The following TENM3 variants were observed in gnomAD, a reference collection of about 807,000 sequenced individuals.
The protein encoded by TENM3 is teneurin-3.
A neutral mutation model predicts 255.1 loss-of-function variants in TENM3; 63 were observed. The ratio of observed to expected loss-of-function variants is 0.25; its 90% CI spans 0.20 to 0.30. TENM3 has a LOEUF of 0.30. TENM3 is among the 10% of genes least tolerant of loss of function. TENM3 has a pLI of 1.00. For synonymous variants in TENM3, 1,306 were observed against 1,322.3 expected (o/e 0.99, Z 0.27); for missense variants, 2,929 against 3,461.1 (o/e 0.85, Z 3.86).
At chr4:182,665,329 C>CTACT (rs1754579215) in intron 6 of TENM3, among the ~76,000 whole-genome samples, 2 of 152,126 alleles carry the variant, frequency 1.3e-5, no homozygotes, top group South Asian at 4.1e-4. Context: ...CTGTTGAGAC[C>CTACT]TACTGCTCAG....
the TENM3 span, among the ~76,000 whole-genome samples, chr4:182,071,004 G>A: frequency 2.0e-5 from 3 of 152,070 alleles, no homozygotes; most frequent in Admixed American, 2.0e-4. Context: ...CCCTCTTGAG[G>A]ATGAGCCCAG....
chr4:181,688,630 C>T, the TENM3 span, among the ~76,000 whole-genome samples: 75 of 152,256 alleles, frequency 4.9e-4, no homozygotes, highest in African/African-American at 1.7e-3. Flanking sequence ...CTGTGGTCCA[C>T]TGAGTATCTG....
chr4:182,305,190 T>C (rs1223617114), intron 1 of TENM3, among the ~76,000 whole-genome samples: 1 of 151,304 alleles, frequency 6.6e-6, no homozygotes, highest in Non-Finnish European at 1.5e-5. Context: ...GAAGAGGACA[T>C]GGTCAAGGCA....
At chr4:181,682,739 T>A in the TENM3 span, among the ~76,000 whole-genome samples, 1 of 152,100 alleles carries the variant, frequency 6.6e-6, no homozygotes, top group Non-Finnish European at 1.5e-5. Flanking sequence ...GGCAATTCAT[T>A]TGGGGTGTGT....
At chr4:182,004,826 T>G in the TENM3 span, among the ~76,000 whole-genome samples, 1 of 152,206 alleles carries the variant, frequency 6.6e-6, no homozygotes, top group East Asian at 1.9e-4. Context: ...TGATGATCAG[T>G]GATGTTGAGT....
the TENM3 span, among the ~76,000 whole-genome samples, chr4:181,554,034 C>T: frequency 6.6e-6 from 1 of 152,116 alleles, no homozygotes; most frequent in African/African-American, 2.4e-5. Context: ...TTCCCTCATG[C>T]GGCTCTAACT....
chr4:182,083,779 C>T, the TENM3 span, among the ~76,000 whole-genome samples: 1 of 152,136 alleles, frequency 6.6e-6, no homozygotes, highest in African/African-American at 2.4e-5. Context: ...ATATACGTGG[C>T]ACTCGTCTCT....
the TENM3 span, among the ~76,000 whole-genome samples, chr4:182,077,778 AAAGGGGT>A: frequency 1.3e-5 from 2 of 152,138 alleles, no homozygotes; most frequent in African/African-American, 4.8e-5. Flanking sequence ...TTGAAAGGAA[AAAGGGGT>A]TGAATAACAT....
At chr4:181,928,336 A>G in the TENM3 span, among the ~76,000 whole-genome samples, 2 of 152,000 alleles carry the variant, frequency 1.3e-5, no homozygotes, top group African/African-American at 2.4e-5. Context: ...AAGAACATAA[A>G]TGACCTGATG....
At chr4:182,452,210 T>C (rs1212776861) in intron 3 of TENM3, among the ~76,000 whole-genome samples, 1 of 152,132 alleles carries the variant, frequency 6.6e-6, no homozygotes, top group Non-Finnish European at 1.5e-5. Flanking sequence ...TGTTCTTCCT[T>C]AAGGATATTT....
chr4:181,522,422 G>T, the TENM3 span, among the ~76,000 whole-genome samples: 1 of 152,144 alleles, frequency 6.6e-6, no homozygotes, highest in Non-Finnish European at 1.5e-5. Context: ...TCACCAAGCA[G>T]ATCCTCCAGA....
chr4:182,247,417 T>C (rs1757726791), intron 1 of TENM3, among the ~76,000 whole-genome samples: 1 of 152,128 alleles, frequency 6.6e-6, no homozygotes, highest in Non-Finnish European at 1.5e-5. Flanking sequence ...CCTCAGACCA[T>C]TGAAAGGGGC....
chr4:182,258,135 T>C (rs1368505724), intron 1 of TENM3, among the ~76,000 whole-genome samples: 1 of 152,170 alleles, frequency 6.6e-6, no homozygotes, highest in Admixed American at 6.5e-5. Context: ...GAATCATGTA[T>C]ATAGCATATA....
chr4:182,000,131 TG>T, the TENM3 span, among the ~76,000 whole-genome samples: 21 of 152,244 alleles, frequency 1.4e-4, no homozygotes, highest in African/African-American at 4.6e-4. Context: ...TCTTTTTCAC[TG>T]TAGTCAATTA....
intron 3 of TENM3, among the ~76,000 whole-genome samples, chr4:182,373,721 A>T (rs1464529119): frequency 6.6e-6 from 1 of 152,170 alleles, no homozygotes; most frequent in Non-Finnish European, 1.5e-5. Context: ...GAACTATATC[A>T]GCCTCTGAAC....
chr4:181,860,617 G>C, the TENM3 span, among the ~76,000 whole-genome samples: 1 of 152,158 alleles, frequency 6.6e-6, no homozygotes, highest in Non-Finnish European at 1.5e-5. Flanking sequence ...CCCTACGGTT[G>C]ATTATCAGGT....
At chr4:181,562,749 A>G in the TENM3 span, among the ~76,000 whole-genome samples, 36 of 151,134 alleles carry the variant, frequency 2.4e-4, no homozygotes, top group African/African-American at 7.3e-4. Context: ...ATCTCAGCTC[A>G]CTGCAACCTC....
At chr4:181,486,551 G>T in the TENM3 span, among the ~76,000 whole-genome samples, 2 of 152,196 alleles carry the variant, frequency 1.3e-5, no homozygotes, top group East Asian at 1.9e-4. Context: ...TAAATGAATC[G>T]CAGATAAAAT....
intron 1 of TENM3, among the ~76,000 whole-genome samples, chr4:182,218,645 T>G (rs1459180149): frequency 6.6e-6 from 1 of 152,230 alleles, no homozygotes; most frequent in Non-Finnish European, 1.5e-5. Flanking sequence ...ATTGCAATTT[T>G]GGTGGGTCAA....
Sources: gnomAD v4.1 joint callset for allele counts (sites outside exome capture counted in the v4.1 genomes callset) on GRCh38, gnomAD v4.1.1 for gene constraint, MANE v1.5 for transcripts, NCBI Gene and HGNC (gene_info 2026-07-23, HGNC 2026-07-21) for gene names.